Variants in PLEKHH2 observed in about 807,000 individuals in gnomAD.
PLEKHH2 encodes pleckstrin homology, MyTH4 and FERM domain containing H2, also known as pleckstrin homology domain-containing family H member 2.
Under a neutral mutation model 187.9 loss-of-function variants are expected in PLEKHH2, and 129 were observed. That is an observed-to-expected ratio of 0.69 (90% CI 0.59 to 0.79). PLEKHH2 has a LOEUF of 0.79. Among genes scored for constraint, PLEKHH2 ranks in the 30% least tolerant of loss-of-function variants. PLEKHH2 has a pLI of 0.00. For synonymous variants in PLEKHH2, 686 were observed against 605.6 expected, an observed-to-expected ratio of 1.13 and a Z score of -1.95; for missense variants, 2,076 against 1,751.2, an observed-to-expected ratio of 1.19 and a Z score of -3.31.
chr2:43,743,791 A>G (rs749196678), intron 22 of PLEKHH2, 43 bp from the exon 23 acceptor site: 4 of 1,545,878 alleles, frequency 2.6e-6, no homozygotes, highest in South Asian at 2.3e-5. Flanking sequence ...GTTTGAAACT[A>G]TATATTTCTT....
At chr2:43,692,060 A>G (rs1226172996) in intron 3 of PLEKHH2, among the ~76,000 whole-genome samples, 1 of 151,656 alleles carries the variant, frequency 6.6e-6, no homozygotes, top group Non-Finnish European at 1.5e-5. Context: ...CCCCCTTTCC[A>G]TTGTGTATAT....
Position 43,745,957 on chromosome 2 carries a change from A to G in PLEKHH2, c.3647A>G (p.Lys1216Arg), listed in dbSNP as rs2104604066. 1.2e-6 allele frequency: 2 copies of G among 1,604,848 alleles called. No homozygotes were observed. The highest frequency in any genetic ancestry group is 2.2e-5 in the East Asian group (1 of 44,796). Residue 1216 changes from lysine to arginine, a missense_variant, in exon 24 of 30, where the codon AAA (lysine) becomes AGA (arginine). Coordinates refer to ENST00000282406, the MANE Select transcript of PLEKHH2 (RefSeq NM_172069.4). ...EGTRTVRLTY[K>R]NRLYFSVQAR... Reference sequence around the variant, plus strand: ...ACAAGGACTGTTCGTCTGACATACAAAAACAGGTGTGTAATACTGCATCCA... The same window carrying G: ...ACAAGGACTGTTCGTCTGACATACAGAAACAGGTGTGTAATACTGCATCCA...
Position 43,762,367 on chromosome 2 carries a change from A to C in PLEKHH2, c.4135A>C (p.Ser1379Arg). The change falls in exon 28 of 30, where the codon AGC becomes CGC. Residue 1379 changes from serine to arginine, a missense_variant. By Grantham distance (110) the Ser-to-Arg change is moderately radical. Transcript: ENST00000282406. ...LWLAVHEDGL[S>R]LLEYNSMRLI... ...GCTGGCTGTACATGAGGATGGTTTA[A>C]GCCTCTTAGAATACAACTCCATGGT... 1 of 1,611,900 alleles carries C rather than the reference A, an allele frequency of 6.2e-7. No individual in the cohort carries two copies.
At chr2:43,648,381 G>A (rs1666287729) in intron 2 of PLEKHH2, among the ~76,000 whole-genome samples, 1 of 152,066 alleles carries the variant, frequency 6.6e-6, no homozygotes, top group Non-Finnish European at 1.5e-5. Flanking sequence ...TAGAGACAGT[G>A]TTTCACCATA....
At chr2:43,708,684 C>A (rs1197643233) in intron 11 of PLEKHH2, among the ~76,000 whole-genome samples, 1 of 152,204 alleles carries the variant, frequency 6.6e-6, no homozygotes, top group Non-Finnish European at 1.5e-5. Context: ...TTTGCTCTAT[C>A]CCTAGCATCT....
intron 2 of PLEKHH2, among the ~76,000 whole-genome samples, chr2:43,645,585 A>G (rs1574467975): frequency 6.6e-6 from 1 of 152,152 alleles, no homozygotes; most frequent in East Asian, 1.9e-4. Context: ...TAAATACAGG[A>G]TTTCAAAGTT....
intron 1 of PLEKHH2, among the ~76,000 whole-genome samples, chr2:43,641,081 C>T (rs1042824102): frequency 1.3e-5 from 2 of 151,836 alleles, no homozygotes; most frequent in Non-Finnish European, 2.9e-5. Context: ...GCATGAGCCA[C>T]CACGTCCAGG....
At chr2:43,655,964 A>T (rs900568876) in intron 2 of PLEKHH2, among the ~76,000 whole-genome samples, 3 of 148,614 alleles carry the variant, frequency 2.0e-5, no homozygotes, top group East Asian at 2.0e-4. Flanking sequence ...TATCTTAGTG[A>T]TTTTTTTTTT....
intron 25 of PLEKHH2, among the ~76,000 whole-genome samples, chr2:43,754,190 ACACACACAC>A (rs1672116340): frequency 7.9e-6 from 1 of 125,848 alleles, no homozygotes; most frequent in African/African-American, 3.6e-5. Context: ...ACACACACAC[ACACACACAC>A]ACACACAAAA....
intron 20 of PLEKHH2, 192 bp from the exon 21 acceptor site, chr2:43,740,754 A>G (rs924035773): frequency 1.5e-5 from 15 of 1,032,272 alleles, no homozygotes; most frequent in Admixed American, 7.7e-5. Flanking sequence ...AACTAGATGG[A>G]TCATAGATCT....
chr2:43,764,287 T>C lies in PLEKHH2; in HGVS notation c.4218T>C (p.Asp1406=), dbSNP rs769293519. The C allele has an allele frequency of 3.8e-6, 6 of 1,598,704 alleles. No individual in the cohort carries two copies. The highest frequency in any genetic ancestry group is 3.4e-5 in the Admixed American group (2 of 58,054). The part of the protein sequence containing the change: ...SLMTFGGYQD[D]FMVVINNTHS... ...TGACCTTTGGAGGCTATCAAGATGATTTTATGGTAGTCATTAACAATACAC... is the reference window on the plus strand; with the variant it reads ...TGACCTTTGGAGGCTATCAAGATGACTTTATGGTAGTCATTAACAATACAC... Residue 1406 remains aspartate, a synonymous_variant, in exon 29 of 30, where the codon GAT becomes GAC. Coordinates refer to ENST00000282406, the MANE Select transcript of PLEKHH2 (RefSeq NM_172069.4).
rs1017655153 is a variant in PLEKHH2 at position 43,766,035 on chromosome 2, T to C, written c.*437T>C. ...TAGTAAGTGCTATAACTAAATGCGC[T>C]TTTAATTAATGATATAGTGTTTGGA... On this transcript the variant is annotated 3_prime_UTR_variant, in exon 30 of 30. Coordinates refer to ENST00000282406, the MANE Select transcript of PLEKHH2 (RefSeq NM_172069.4). 1.3e-5 allele frequency: 2 copies of C among 157,012 alleles called. No individual in the cohort carries two copies. The highest frequency in any genetic ancestry group is 4.8e-5 in the African/African-American group (2 of 41,536). 9.7% of individuals were successfully genotyped at this position (157,012 alleles called of 1,614,324 possible). A position where few individuals can be genotyped will look rare whatever the true frequency, so the allele number is the denominator to read the frequency against.
intron 17 of PLEKHH2, among the ~76,000 whole-genome samples, chr2:43,727,482 T>C (rs1005708851): frequency 1.3e-5 from 2 of 151,616 alleles, no homozygotes; most frequent in African/African-American, 2.4e-5. Flanking sequence ...GATTTGACTA[T>C]ACAAAATTGA....
rs189297765 is a variant in PLEKHH2 at position 43,671,108 on chromosome 2, C to T, written c.124-7755C>T. Reference sequence around the variant, plus strand: ...AAGTGATTCTCCTGCCTCTGCCCCCCACTGAGTAGCTGGGATTACAGGCAC... The same window carrying T: ...AAGTGATTCTCCTGCCTCTGCCCCCTACTGAGTAGCTGGGATTACAGGCAC... On this transcript the variant is annotated intron_variant, in intron 2 of 29. Coordinates refer to ENST00000282406, the MANE Select transcript of PLEKHH2 (RefSeq NM_172069.4). Among the ~76,000 whole-genome samples the T allele has an allele frequency of 5.1e-3, 778 of 152,004 alleles. 2 individuals are homozygous for T. The highest frequency in any genetic ancestry group is 8.4e-3 in the Non-Finnish European group (573 of 67,930).
intron 2 of PLEKHH2, among the ~76,000 whole-genome samples, chr2:43,657,725 C>T (rs1009601994): frequency 6.6e-6 from 1 of 152,200 alleles, no homozygotes; most frequent in Non-Finnish European, 1.5e-5. Context: ...ACATGTAGTG[C>T]ACCATGCAGG....
chr2:43,668,902 A>T (rs1667358572), intron 2 of PLEKHH2, among the ~76,000 whole-genome samples: 1 of 152,230 alleles, frequency 6.6e-6, no homozygotes, highest in South Asian at 2.1e-4. Context: ...AGTTCCCTTG[A>T]TACCCATCCC....
At chr2:43,705,431 A>G (rs1669611776) in intron 9 of PLEKHH2, among the ~76,000 whole-genome samples, 1 of 150,862 alleles carries the variant, frequency 6.6e-6, no homozygotes, top group South Asian at 2.1e-4. Context: ...ACTTTTTAAG[A>G]TTTTTTGTGG....
At chr2:43,656,949 G>A (rs981050430) in intron 2 of PLEKHH2, among the ~76,000 whole-genome samples, 3 of 152,228 alleles carry the variant, frequency 2.0e-5, no homozygotes, top group Non-Finnish European at 4.4e-5. Context: ...AGCCCGAGAG[G>A]TGGAGGTTGC....
intron 2 of PLEKHH2, among the ~76,000 whole-genome samples, chr2:43,656,373 C>T (rs923639780): frequency 6.6e-6 from 1 of 152,152 alleles, no homozygotes; most frequent in East Asian, 1.9e-4. Flanking sequence ...AGGAAAAGCT[C>T]TGTACTTTTT....
Sources: gnomAD v4.1 joint callset for allele counts (sites outside exome capture counted in the v4.1 genomes callset) on GRCh38, gnomAD v4.1.1 for gene constraint, MANE v1.5 for transcripts, NCBI Gene and HGNC (gene_info 2026-07-23, HGNC 2026-07-21) for gene names.